The following IDH3B variants were observed in gnomAD, a reference collection of about 807,000 sequenced individuals.
IDH3B encodes the protein isocitrate dehydrogenase [NAD] subunit beta, mitochondrial.
Under a neutral mutation model 47.5 loss-of-function variants are expected in IDH3B, and 40 were observed. The ratio of observed to expected loss-of-function variants is 0.84; its 90% CI spans 0.65 to 1.10. The LOEUF (loss-of-function observed/expected upper bound fraction) is 1.10. Ranked by LOEUF, IDH3B falls within the 50% of genes least tolerant of loss-of-function variation. The pLI, the probability that IDH3B is intolerant of heterozygous loss-of-function variation, is 0.00. For missense variants in IDH3B, 450 were observed against 505.2 expected, an observed-to-expected ratio of 0.89 and a Z score of 1.05; for synonymous variants, 185 against 191.0, an observed-to-expected ratio of 0.97 and a Z score of 0.26.
intron 4 of IDH3B, among the ~76,000 whole-genome samples, chr20:2,661,609 T>C (rs1335272156): frequency 6.6e-6 from 1 of 152,248 alleles, no homozygotes; most frequent in Non-Finnish European, 1.5e-5. Flanking sequence ...GCCTTCTCCT[T>C]ATTTGACATT....
intron 4 of IDH3B, 95 bp downstream of exon 4, chr20:2,663,351 T>C (rs2146318762): frequency 2.1e-6 from 3 of 1,434,962 alleles, no homozygotes; most frequent in South Asian, 1.1e-5. Context: ...CTGGAGTTAA[T>C]ATAATTGCAT....
In IDH3B at chr20:2,660,067, C is replaced by A. The variant is rs749155758; in HGVS notation, c.878G>T (p.Gly293Val). 6.2e-7 allele frequency: 1 copy of A among 1,614,102 alleles called. No individual in the cohort carries two copies. Among genetic ancestry groups the A allele is most frequent in the Non-Finnish European group, 8.5e-7 (1 of 1,179,998 alleles). Residue 293 changes from glycine (G) to valine (V), a missense_variant, in exon 9 of 12, where the codon GGT becomes GTT. Gly to Val is a moderately radical substitution (Grantham distance 109). Transcript: ENST00000380843. This position sits in a 1 kb window ranked among gnomAD's most constrained non-coding sequence, Gnocchi z 5.6. ...TGCGTATTCTGCACTATAGCTCTCA[C>A]CAGGGACCACACCAGCTCCCCCAAC... ...GLVGGAGVVP[G>V]ESYSAEYAVF...
chr20:2,660,291 G>T lies in IDH3B; in HGVS notation c.740C>A (p.Thr247Lys). Residue 247 changes from threonine to lysine, a missense_variant, in exon 8 of 12, where the codon ACA becomes AAA. Thr to Lys is a moderately conservative substitution (Grantham distance 78). Coordinates refer to ENST00000380843, the MANE Select transcript of IDH3B (RefSeq NM_006899.5). This position sits in a 1 kb window ranked among gnomAD's most constrained non-coding sequence, Gnocchi z 5.6. ...AELYPKIKFE[T>K]MIIDNCCMQL... Reference sequence around the variant, plus strand: ...CATGCAGCAGTTGTCTATGATCATTGTCTCAAATTTGATTTTGGGGTACAG... The same window carrying T: ...CATGCAGCAGTTGTCTATGATCATTTTCTCAAATTTGATTTTGGGGTACAG... 6.2e-7 allele frequency: 1 copy of T among 1,614,104 alleles called. No homozygotes were observed.
At position 2,659,464 on chromosome 20, in the gene IDH3B, C is replaced by T. The variant is rs181223617; in HGVS notation, c.1071+61G>A. ...ATTCAGGTTCCCCAGAGGGTAGTGC[C>T]GAGGTGCTGACACCAGAACTACTCT... is the stretch of plus-strand genomic sequence containing the variant. On this transcript the variant is annotated intron_variant, in intron 11 of 11. Coordinates refer to ENST00000380843, the MANE Select transcript of IDH3B (RefSeq NM_006899.5). 428 of 1,574,202 alleles carry T rather than the reference C, an allele frequency of 2.7e-4. 2 individuals are homozygous for T. The highest frequency in any genetic ancestry group is 1.5e-3 in the Middle Eastern group (9 of 5,988).
rs2146311990 is a variant in IDH3B, at chr20:2,660,825, T to TA, written c.402dup (p.Lys135Ter). The stretch of plus-strand genomic sequence containing the variant: ...ACTACGTTGGCAAATAAGTCCAACT[T>TA]ACGCCTGAGGGTGGGCAGGGCCATC... On this transcript the variant is annotated frameshift_variant, in exon 6 of 12. Coordinates refer to ENST00000380843, the MANE Select transcript of IDH3B (RefSeq NM_006899.5). LOFTEE classifies it high-confidence loss of function. This position sits in a 1 kb window ranked among gnomAD's most constrained non-coding sequence, Gnocchi z 5.6. The TA allele has an allele frequency of 2.5e-6, 4 of 1,614,190 alleles. No homozygotes were observed. The highest frequency in any genetic ancestry group is 3.4e-6 in the Non-Finnish European group (4 of 1,180,034).
At chr20:2,661,177 C>CTGTGTGTGTGTG (rs71329398) in intron 4 of IDH3B, among the ~76,000 whole-genome samples, 20,137 of 150,020 alleles carry the variant, frequency 0.13, 1,604 homozygotes, top group South Asian at 0.24. Context: ...ATTGCATTTT[C>CTGTGTGTGTGTG]TGTGTGTGTG....
At chr20:2,659,022 T>C (rs1033665196) in intron 11 of IDH3B, 185 bp from the exon 12 acceptor site, 3 of 1,260,602 alleles carry the variant, frequency 2.4e-6, no homozygotes, top group Non-Finnish European at 3.0e-6. Flanking sequence ...CTTAAGCCAC[T>C]ATTAGCTGTG....
chr20:2,659,061 G>T, intron 11 of IDH3B: 1 of 1,440,480 alleles, frequency 6.9e-7, no homozygotes, highest in Non-Finnish European at 9.1e-7. Context: ...AGGAGGCTGA[G>T]CAGGCAAAGA....
intron 11 of IDH3B, 111 bp downstream of exon 11, chr20:2,659,414 G>A (rs972806855): frequency 1.3e-6 from 2 of 1,536,370 alleles, no homozygotes; most frequent in African/African-American, 2.7e-5. Flanking sequence ...GATGTTCTGG[G>A]GACCTGGGGG....
intron 4 of IDH3B, 106 bp downstream of exon 4, chr20:2,663,340 C>T (rs2086983484): frequency 2.2e-6 from 3 of 1,342,124 alleles, no homozygotes; most frequent in Non-Finnish European, 3.2e-6. Flanking sequence ...TGGTGGTTGC[C>T]CTGGAGTTAA....
At chr20:2,664,103 A>C in intron 1 of IDH3B, 50 bp downstream of exon 1, 1 of 1,608,096 alleles carries the variant, frequency 6.2e-7, no homozygotes, top group Non-Finnish European at 8.5e-7. Flanking sequence ...CCCTAGGACA[A>C]ACTCTCCGCT....
At position 2,658,503 on chromosome 20, in the gene IDH3B, C is replaced by G. The variant is rs750974369; in HGVS notation, c.*248G>C. 4.0e-5 allele frequency: 65 copies of G among 1,613,984 alleles called. 1 individual carries two copies. In the Middle Eastern group the frequency reaches 6.6e-4, roughly 16 times the overall value. On this transcript the variant is annotated 3_prime_UTR_variant, in exon 12 of 12. Coordinates refer to ENST00000380843, the MANE Select transcript of IDH3B (RefSeq NM_006899.5). ...GAAGTCATGGCAAGTAGCATAGCCA[C>G]CCATGTCAGAGGTTCGAACCTGTGG...
rs3178817 is a variant in IDH3B, at chr20:2,664,181, G to A, written c.8C>T (p.Ala3Val). The A allele has an allele frequency of 1.2e-6, 2 of 1,613,598 alleles. No homozygotes were observed. Among genetic ancestry groups the A allele is most frequent in the Non-Finnish European group, 1.7e-6 (2 of 1,179,874 alleles). Residue 3 changes from alanine (A) to valine (V), a missense_variant, in exon 1 of 12, where the codon GCA (alanine) becomes GTA (valine). Transcript: ENST00000380843. ...GGTCAGCCAGCGGACTCCGCTCAAT[G>A]CCGCCATGTTTCCCGCAGGAAGTCG... MAALSGVRWLTRA... is the reference protein window; with the variant it reads MAVLSGVRWLTRA...
rs770567803 is a variant in IDH3B, at chr20:2,663,979, C to A, written c.63G>T (p.Gly21=). 6.2e-7 allele frequency: 1 copy of A among 1,614,168 alleles called. No homozygotes were observed. The stretch of plus-strand genomic sequence containing the variant: ...CCGAGGTACTCAGACCTCTCCATGC[C>A]CCAGGGTTCCCGGCGGAGACCAGCG... ...TRALVSAGNP[G]AWRGLSTSAA... is the part of the protein sequence containing the mutation. Residue 21 remains glycine (G), a synonymous_variant, in exon 2 of 12, where the codon GGG becomes GGT. Coordinates refer to ENST00000380843, the MANE Select transcript of IDH3B (RefSeq NM_006899.5).
chr20:2,664,053 G>T, intron 1 of IDH3B, 48 bp from the exon 2 acceptor site: 1 of 1,611,436 alleles, frequency 6.2e-7, no homozygotes, highest in Non-Finnish European at 8.5e-7. Context: ...GAGACATCCA[G>T]ACCCCGAACA....
intron 2 of IDH3B, 31 bp downstream of exon 2, chr20:2,663,894 T>C (rs1360732639): frequency 1.2e-6 from 2 of 1,610,840 alleles, no homozygotes; most frequent in African/African-American, 2.7e-5. Flanking sequence ...GACAGGGTCG[T>C]AAGAGAGACC....
At chr20:2,663,213 C>T (rs1187467167) in intron 4 of IDH3B, among the ~76,000 whole-genome samples, 1 of 150,828 alleles carries the variant, frequency 6.6e-6, no homozygotes, top group African/African-American at 2.4e-5. Flanking sequence ...GATTTGATGA[C>T]AGTTGATGTA....
At chr20:2,659,162 A>T in intron 11 of IDH3B, 1 of 1,175,990 alleles carries the variant, frequency 8.5e-7, no homozygotes, top group Non-Finnish European at 1.0e-6. Context: ...ATCACAGCGA[A>T]AAGGAGATGG....
chr20:2,658,792 T>C lies in IDH3B; in HGVS notation c.1117A>G (p.Ile373Val), dbSNP rs1454123316. The change falls in exon 12 of 12, where the codon ATC (isoleucine) becomes GTC (valine). Residue 373 changes from isoleucine to valine, a missense_variant. By Grantham distance (29) the Ile-to-Val change is conservative. Transcript: ENST00000380843. ...MGGYSTTTDF[I>V]KSVIGHLQTK... ...TGCAGGTGACCGATGACAGACTTGA[T>C]GAAGTCGGTTGTGGTGCTGTAGCCG... The C allele has an allele frequency of 6.2e-7, 1 of 1,614,112 alleles. No individual in the cohort carries two copies. Among genetic ancestry groups the C allele is most frequent in the Non-Finnish European group, 8.5e-7 (1 of 1,180,026 alleles).
Sources: allele counts gnomAD v4.1 joint callset (sites outside exome capture counted in the v4.1 genomes callset), GRCh38; gene constraint gnomAD v4.1.1; non-coding constraint Gnocchi (gnomAD v3.1); transcripts MANE v1.5; gene names NCBI Gene and HGNC (gene_info 2026-07-23, HGNC 2026-07-21).